Variants in RIC1 observed in about 807,000 individuals in gnomAD.
RIC1 encodes the protein guanine nucleotide exchange factor subunit RIC1.
Under a neutral mutation model 169.0 loss-of-function variants are expected in RIC1, and 88 were observed. The observed-to-expected ratio is 0.52, with a 90% confidence interval of 0.44 to 0.62. The LOEUF (loss-of-function observed/expected upper bound fraction) is 0.62, where lower values mean the gene tolerates loss of function less well. RIC1 is among the 20% of genes least tolerant of loss of function. The pLI is 0.00. For synonymous variants in RIC1, 790 were observed against 601.5 expected, an observed-to-expected ratio of 1.31 and a Z score of -4.59; for missense variants, 1,877 against 1,725.5, an observed-to-expected ratio of 1.09 and a Z score of -1.56.
intron 2 of RIC1, among the ~76,000 whole-genome samples, chr9:5,678,084 G>T (rs1820567179): frequency 6.6e-6 from 1 of 151,708 alleles, no homozygotes; most frequent in Middle Eastern, 3.4e-3. Context: ...ACCTATGAGT[G>T]AGAACATGCG....
chr9:5,651,814 C>A (rs937396326), intron 1 of RIC1, among the ~76,000 whole-genome samples: 1 of 152,068 alleles, frequency 6.6e-6, no homozygotes, highest in Non-Finnish European at 1.5e-5. Context: ...GTGATCTGCC[C>A]ACCTCGGCCT....
chr9:5,709,941 C>T (rs751006769), intron 3 of RIC1, among the ~76,000 whole-genome samples: 19 of 152,218 alleles, frequency 1.2e-4, no homozygotes, highest in East Asian at 1.9e-4. Flanking sequence ...AAGAAAAACA[C>T]GGTTTCCAGT....
intron 1 of RIC1, among the ~76,000 whole-genome samples, chr9:5,640,731 T>C (rs78612974): frequency 1.3e-5 from 2 of 152,212 alleles, no homozygotes; most frequent in African/African-American, 4.8e-5. Flanking sequence ...TTAAATACTC[T>C]TTTCTTTCAG....
intron 7 of RIC1, among the ~76,000 whole-genome samples, chr9:5,736,920 G>T (rs531332988): frequency 2.6e-5 from 4 of 151,882 alleles, no homozygotes; most frequent in African/African-American, 7.3e-5. Flanking sequence ...TTGAGAAGAG[G>T]TAGGACCTGG....
At chr9:5,772,093 C>T (rs1196013029) in intron 23 of RIC1, among the ~76,000 whole-genome samples, 1 of 152,168 alleles carries the variant, frequency 6.6e-6, no homozygotes, top group Non-Finnish European at 1.5e-5. Flanking sequence ...ATAAGGTTCA[C>T]ATATTGTGAT....
intron 3 of RIC1, among the ~76,000 whole-genome samples, chr9:5,705,721 A>G (rs1295669748): frequency 6.6e-6 from 1 of 152,236 alleles, no homozygotes; most frequent in African/African-American, 2.4e-5. Context: ...TCGTAGCGGG[A>G]AAACTTTCAG....
chr9:5,673,030 T>C (rs1820202563), intron 2 of RIC1, among the ~76,000 whole-genome samples: 1 of 152,168 alleles, frequency 6.6e-6, no homozygotes, highest in South Asian at 2.1e-4. Flanking sequence ...TGCCTTGGTA[T>C]TGGAGCTACA....
At chr9:5,723,278 G>T (rs1226246491) in intron 6 of RIC1, among the ~76,000 whole-genome samples, 1 of 152,130 alleles carries the variant, frequency 6.6e-6, no homozygotes, top group Admixed American at 6.6e-5. Context: ...ATCTCATTGT[G>T]GTTTTGATTT....
At chr9:5,712,316 C>G (rs528462225) in intron 3 of RIC1, among the ~76,000 whole-genome samples, 10 of 152,308 alleles carry the variant, frequency 6.6e-5, no homozygotes, top group African/African-American at 2.4e-4. Context: ...TTGCATTTCT[C>G]TGATGGCCAG....
intron 11 of RIC1, among the ~76,000 whole-genome samples, chr9:5,747,098 C>G (rs1156511333): frequency 2.0e-5 from 3 of 152,200 alleles, no homozygotes; most frequent in Non-Finnish European, 4.4e-5. Flanking sequence ...ATCTCATAGT[C>G]ACTAAGAGCA....
Position 5,773,016 on chromosome 9 carries a change from G to A in RIC1, c.3919G>A (p.Gly1307Arg), listed in dbSNP as rs372678736. 2.5e-6 allele frequency: 4 copies of A among 1,613,642 alleles called. No individual in the cohort carries two copies. Among genetic ancestry groups the A allele is most frequent in the Non-Finnish European group, 3.4e-6 (4 of 1,179,728 alleles). The change falls in exon 25 of 26, where the codon GGA becomes AGA. Residue 1307 changes from glycine to arginine, a missense_variant. Gly to Arg is a moderately radical substitution (Grantham distance 125). Around this residue, in one of 3 missense-constraint regions of RIC1, gnomAD observed 681 missense variants for 582.0 expected, o/e 1.17. Coordinates refer to ENST00000414202, the MANE Select transcript of RIC1 (RefSeq NM_020829.4). Reference sequence around the variant, plus strand: ...TATTACACAGTCTTCAGAGGTAGATGGAGAGATGTTACAGAACATAAAGAC... The same window carrying A: ...TATTACACAGTCTTCAGAGGTAGATAGAGAGATGTTACAGAACATAAAGAC... Reference protein sequence around the residue: ...LVITQSSEVDGEMLQNIKTGL... With the variant: ...LVITQSSEVDREMLQNIKTGL...
chr9:5,688,320 AAGGC>A, intron 2 of RIC1, among the ~76,000 whole-genome samples: 1 of 152,326 alleles, frequency 6.6e-6, no homozygotes, highest in South Asian at 2.1e-4. Flanking sequence ...AAATTCTCAC[AAGGC>A]AGTAAGCTGG....
chr9:5,744,676 G>C (rs1320840623), intron 10 of RIC1, among the ~76,000 whole-genome samples: 1 of 150,936 alleles, frequency 6.6e-6, no homozygotes, highest in Admixed American at 6.6e-5. Context: ...GAAGTCAGGT[G>C]TGGGATTTTT....
chr9:5,686,368 A>G (rs867435709), intron 2 of RIC1, among the ~76,000 whole-genome samples: 2,011 of 152,178 alleles, frequency 0.013, 51 homozygotes, highest in African/African-American at 0.046. Context: ...CAAAGACTTG[A>G]AACCAACCCA....
At chr9:5,634,396 T>C (rs1817869358) in intron 1 of RIC1, among the ~76,000 whole-genome samples, 1 of 152,346 alleles carries the variant, frequency 6.6e-6, no homozygotes, top group African/African-American at 2.4e-5. Context: ...GACCTTGTTA[T>C]GATTTAACTT....
chr9:5,720,134 T>C, intron 4 of RIC1, 48 bp from the exon 5 acceptor site: 1 of 1,495,384 alleles, frequency 6.7e-7, no homozygotes, highest in Non-Finnish European at 9.2e-7. Flanking sequence ...TTCATACACA[T>C]TGCTTTCCCA....
At chr9:5,660,888 G>A (rs2130486965) in intron 2 of RIC1, among the ~76,000 whole-genome samples, 1 of 152,172 alleles carries the variant, frequency 6.6e-6, no homozygotes, top group East Asian at 1.9e-4. Flanking sequence ...TGCTTTTGTT[G>A]CAATTGCTTT....
At chr9:5,647,097 A>G (rs1818555828) in intron 1 of RIC1, among the ~76,000 whole-genome samples, 1 of 152,128 alleles carries the variant, frequency 6.6e-6, no homozygotes, top group African/African-American at 2.4e-5. Flanking sequence ...TGGTCTAGGT[A>G]GCCTTGTGGA....
At chr9:5,649,345 T>A (rs1291894606) in intron 1 of RIC1, among the ~76,000 whole-genome samples, 5 of 152,152 alleles carry the variant, frequency 3.3e-5, no homozygotes, top group Non-Finnish European at 7.3e-5. Context: ...TTCAAATAGA[T>A]CACTTTATGG....
Sources: gnomAD v4.1 joint callset for allele counts (sites outside exome capture counted in the v4.1 genomes callset) on GRCh38, gnomAD v4.1.1 for gene constraint, gnomAD v4.1.1 regional missense constraint, MANE v1.5 for transcripts, NCBI Gene and HGNC (gene_info 2026-07-23, HGNC 2026-07-21) for gene names.